The following PDE4B variants were observed in gnomAD, a reference collection of about 807,000 sequenced individuals.
PDE4B encodes phosphodiesterase 4B.
Under a neutral mutation model 82.2 loss-of-function variants are expected in PDE4B, and 20 were observed. That is an observed-to-expected ratio of 0.24 (90% CI 0.17 to 0.35). The LOEUF (loss-of-function observed/expected upper bound fraction) is 0.35. Among genes scored for constraint, PDE4B ranks in the 10% least tolerant of loss-of-function variants. The probability of loss-of-function intolerance (pLI) is 1.00; values close to 1 mark genes in which losing one functional copy is unlikely to be tolerated. For synonymous variants in PDE4B, 320 were observed against 318.9 expected (o/e 1.00, Z -0.04); for missense variants, 655 against 907.2 (o/e 0.72, Z 3.57).
chr1:66,189,685 A>G (rs9660994), intron 3 of PDE4B, among the ~76,000 whole-genome samples: 74,105 of 151,944 alleles, frequency 0.49, 19,190 homozygotes, highest in South Asian at 0.64. Context: ...CAGCTCCCTC[A>G]GGTCCTTTAA....
At chr1:66,202,949 T>C (rs1009687991) in intron 3 of PDE4B, among the ~76,000 whole-genome samples, 1 of 152,032 alleles carries the variant, frequency 6.6e-6, no homozygotes, top group Non-Finnish European at 1.5e-5. Context: ...GCCTTGATGG[T>C]CTTTATAATT....
At chr1:66,336,507 C>T (rs1475921727) in intron 8 of PDE4B, among the ~76,000 whole-genome samples, 3 of 152,216 alleles carry the variant, frequency 2.0e-5, no homozygotes, top group East Asian at 3.9e-4. Flanking sequence ...TCACTGTCTT[C>T]ACTTCCCCCA....
chr1:66,368,680 A>C (rs954651644), intron 15 of PDE4B, 107 bp from the exon 16 acceptor site: 1 of 790,994 alleles, frequency 1.3e-6, no homozygotes, highest in East Asian at 3.0e-5. Flanking sequence ...TAATGCAACT[A>C]AAATGTTCTC....
At chr1:66,015,425 GCT>G (rs1042012794) in intron 3 of PDE4B, among the ~76,000 whole-genome samples, 4 of 152,092 alleles carry the variant, frequency 2.6e-5, no homozygotes, top group African/African-American at 9.6e-5. Context: ...CCAGAGCTTG[GCT>G]CTCTGCTGAA....
At chr1:65,814,146 T>C (rs1645852190) in intron 1 of PDE4B, among the ~76,000 whole-genome samples, 1 of 152,146 alleles carries the variant, frequency 6.6e-6, no homozygotes, top group Non-Finnish European at 1.5e-5. Flanking sequence ...CTACAGCACA[T>C]TGCTTGCCAA....
rs368358347 is a variant in PDE4B, at chr1:66,194,890, G to A, written c.282-52570G>A. ...TTTGAATTTTACTGAAAGGTTGCTC[G>A]TGAGAATTAAATGAGATTATATATG... On this transcript the variant is annotated intron_variant, in intron 3 of 16. Coordinates refer to ENST00000341517, the MANE Select transcript of PDE4B (RefSeq NM_002600.4). Among the ~76,000 whole-genome samples, 280 of 152,176 alleles carry A rather than the reference G, an allele frequency of 1.8e-3. 7 individuals carry two copies. In the South Asian group the frequency reaches 0.048, roughly 26 times the overall value.
intron 2 of PDE4B, among the ~76,000 whole-genome samples, chr1:65,917,185 G>T (rs964320731): frequency 6.6e-6 from 1 of 152,154 alleles, no homozygotes; most frequent in Non-Finnish European, 1.5e-5. Flanking sequence ...TAATAGATGT[G>T]TGTCAAATAT....
Position 66,139,341 on chromosome 1 carries a change from C to T in PDE4B, c.282-108119C>T, listed in dbSNP as rs147626712. Among the ~76,000 whole-genome samples, 4 of 152,318 alleles carry T rather than the reference C, an allele frequency of 2.6e-5. No homozygotes were observed. In the East Asian group the frequency reaches 7.7e-4, roughly 29 times the overall value. On this transcript the variant is annotated intron_variant, in intron 3 of 16. Coordinates refer to ENST00000341517, the MANE Select transcript of PDE4B (RefSeq NM_002600.4). ...TCCCTGTTTTCTTGCCGAAAACCAA[C>T]CAGGAAACTCTCTTAGCTCCTTAAT...
chr1:65,964,488 A>G (rs1027505735), intron 3 of PDE4B, among the ~76,000 whole-genome samples: 3 of 152,202 alleles, frequency 2.0e-5, no homozygotes, highest in African/African-American at 7.2e-5. Context: ...TATAAACCAT[A>G]GTGTGAAAAT....
At position 66,332,129 on chromosome 1, in the gene PDE4B, T is replaced by C. The variant is rs1660158225; in HGVS notation, c.635-379T>C. On this transcript the variant is annotated intron_variant, in intron 7 of 16. Coordinates refer to ENST00000341517, the MANE Select transcript of PDE4B (RefSeq NM_002600.4). ...TGACATCACATACCCTAAAGAACCC[T>C]GGGATGACTAAGGCAGAGAGAGTCT... 2.3e-6 allele frequency: 3 copies of C among 1,299,468 alleles called. No homozygotes were observed. In the Admixed American group the frequency reaches 1.1e-4, roughly 46 times the overall value. 80.5% of individuals were successfully genotyped at this position (1,299,468 alleles called of 1,614,324 possible).
intron 3 of PDE4B, among the ~76,000 whole-genome samples, chr1:66,030,037 G>GTTTT (rs5774786): frequency 1.2e-4 from 18 of 144,362 alleles, no homozygotes; most frequent in African/African-American, 2.8e-4. Flanking sequence ...TCTGTTGAGG[G>GTTTT]TTTTTTTTTT....
At position 66,200,751 on chromosome 1, in the gene PDE4B, G is replaced by T. The variant is rs149250345; in HGVS notation, c.282-46709G>T. Among the ~76,000 whole-genome samples the T allele has an allele frequency of 6.5e-3, 990 of 152,288 alleles. 12 individuals are homozygous for T. The highest frequency in any genetic ancestry group is 0.022 in the African/African-American group (906 of 41,544). On this transcript the variant is annotated intron_variant, in intron 3 of 16. Coordinates refer to ENST00000341517, the MANE Select transcript of PDE4B (RefSeq NM_002600.4). ...TCAGCTTAAGGAGATTTTGGGCTGAGACAGTGGGGTTTTCTAGATATACAA... is the reference window on the plus strand; with the variant it reads ...TCAGCTTAAGGAGATTTTGGGCTGATACAGTGGGGTTTTCTAGATATACAA...
chr1:65,894,584 T>C (rs1158420483), intron 1 of PDE4B, among the ~76,000 whole-genome samples: 1 of 152,124 alleles, frequency 6.6e-6, no homozygotes, highest in Non-Finnish European at 1.5e-5. Flanking sequence ...TAAAACGACA[T>C]GTCTCAGCCT....
intron 3 of PDE4B, among the ~76,000 whole-genome samples, chr1:66,042,034 T>G (rs1264394524): frequency 6.6e-6 from 1 of 151,968 alleles, no homozygotes; most frequent in Non-Finnish European, 1.5e-5. Context: ...CTATTTTTAT[T>G]ACAAAAGTTT....
intron 6 of PDE4B, among the ~76,000 whole-genome samples, chr1:66,264,452 T>G (rs1244877206): frequency 6.6e-6 from 1 of 152,222 alleles, no homozygotes; most frequent in Non-Finnish European, 1.5e-5. Flanking sequence ...TCTCTGAGCT[T>G]CAGTTTTCTT....
chr1:66,242,044 A>G (rs1296574949), intron 3 of PDE4B, among the ~76,000 whole-genome samples: 1 of 152,196 alleles, frequency 6.6e-6, no homozygotes, highest in Non-Finnish European at 1.5e-5. Flanking sequence ...TCCTGCTTCA[A>G]GGAGGTCACC....
intron 7 of PDE4B, 50 bp from the exon 8 acceptor site, chr1:66,332,458 C>A: frequency 1.2e-6 from 2 of 1,614,140 alleles, no homozygotes; most frequent in South Asian, 1.1e-5. Flanking sequence ...CTGCTATGGA[C>A]AGCCTGCAGC....
intron 3 of PDE4B, among the ~76,000 whole-genome samples, chr1:66,239,773 C>A (rs1652738215): frequency 6.6e-6 from 1 of 152,182 alleles, no homozygotes; most frequent in African/African-American, 2.4e-5. Flanking sequence ...TGATACTTAA[C>A]AATTTCAGTA....
intron 4 of PDE4B, among the ~76,000 whole-genome samples, chr1:66,251,126 A>G (rs1653740019): frequency 6.6e-6 from 1 of 152,252 alleles, no homozygotes; most frequent in South Asian, 2.1e-4. Context: ...AAGACATTGA[A>G]TCTCTTTTAT....
Sources: allele counts gnomAD v4.1 joint callset (sites outside exome capture counted in the v4.1 genomes callset), GRCh38; gene constraint gnomAD v4.1.1; transcripts MANE v1.5; gene names NCBI Gene and HGNC (gene_info 2026-07-23, HGNC 2026-07-21).